The following ZPBP variants were observed in gnomAD, a reference collection of about 807,000 sequenced individuals.
The protein encoded by ZPBP is zona pellucida-binding protein 1.
A neutral mutation model predicts 44.8 loss-of-function variants in ZPBP; 26 were observed. The ratio of observed to expected loss-of-function variants is 0.58; its 90% CI spans 0.43 to 0.81. The LOEUF is 0.81. Among genes scored for constraint, ZPBP ranks in the 30% least tolerant of loss-of-function variants. The pLI, the probability that ZPBP is intolerant of heterozygous loss-of-function variation, is 0.00. For missense variants in ZPBP, 409 were observed against 434.0 expected, an observed-to-expected ratio of 0.94 and a Z score of 0.51; for synonymous variants, 174 against 153.2, an observed-to-expected ratio of 1.14 and a Z score of -1.00.
intron 7 of ZPBP, among the ~76,000 whole-genome samples, chr7:49,975,838 C>G (rs1487166307): frequency 6.6e-6 from 1 of 152,152 alleles, no homozygotes; most frequent in Non-Finnish European, 1.5e-5. Context: ...GGACTCTGAG[C>G]CATGCATACT....
chr7:50,064,501 T>C (rs2128835586), intron 3 of ZPBP, among the ~76,000 whole-genome samples: 1 of 152,288 alleles, frequency 6.6e-6, no homozygotes, highest in East Asian at 1.9e-4. Context: ...GTTTATTTCA[T>C]CTCTGTAGCC....
chr7:50,009,491 AC>A (rs1478626716), intron 6 of ZPBP, among the ~76,000 whole-genome samples: 3 of 151,074 alleles, frequency 2.0e-5, no homozygotes, highest in Non-Finnish European at 4.4e-5. Flanking sequence ...GGTTGCACTT[AC>A]TCTCTGAAAG....
At chr7:49,955,397 A>G (rs1583909012) in intron 7 of ZPBP, among the ~76,000 whole-genome samples, 2 of 152,236 alleles carry the variant, frequency 1.3e-5, no homozygotes, top group Admixed American at 6.5e-5. Flanking sequence ...TCTCTACTAA[A>G]AAAACAAAAA....
chr7:49,881,066 T>C (rs1217508316), intron 2 of ZPBP, among the ~76,000 whole-genome samples: 3 of 152,176 alleles, frequency 2.0e-5, no homozygotes, highest in Non-Finnish European at 1.5e-5. Flanking sequence ...TTGGCCAATA[T>C]CTTGCCCTAT....
intron 7 of ZPBP, among the ~76,000 whole-genome samples, chr7:49,947,773 C>A (rs1480207379): frequency 6.6e-6 from 1 of 152,214 alleles, no homozygotes; most frequent in East Asian, 1.9e-4. Flanking sequence ...TGAGTCCAGC[C>A]AGGCTCATAT....
intron 2 of ZPBP, among the ~76,000 whole-genome samples, chr7:49,869,029 T>G (rs2128722628): frequency 6.6e-6 from 1 of 152,358 alleles, no homozygotes; most frequent in East Asian, 1.9e-4. Flanking sequence ...TAAGAAAATA[T>G]TAGTTGTTTA....
At chr7:50,000,106 A>T (rs1422985636) in intron 6 of ZPBP, among the ~76,000 whole-genome samples, 3 of 152,200 alleles carry the variant, frequency 2.0e-5, no homozygotes, top group African/African-American at 7.2e-5. Flanking sequence ...GTATGTATAG[A>T]TATTATAATT....
At chr7:50,059,950 T>A (rs1801162767) in intron 3 of ZPBP, among the ~76,000 whole-genome samples, 1 of 151,186 alleles carries the variant, frequency 6.6e-6, no homozygotes, top group Admixed American at 6.6e-5. Flanking sequence ...ACTAGCACAC[T>A]CTGAGCAGAT....
chr7:49,998,293 A>T (rs1797944212), intron 6 of ZPBP, among the ~76,000 whole-genome samples: 1 of 152,168 alleles, frequency 6.6e-6, no homozygotes, highest in South Asian at 2.1e-4. Flanking sequence ...CAGTCACAGG[A>T]TGGGATCCTG....
intron 4 of ZPBP, among the ~76,000 whole-genome samples, chr7:50,033,676 C>T (rs925338330): frequency 1.1e-4 from 6 of 55,660 alleles, no homozygotes; most frequent in African/African-American, 4.4e-4. Flanking sequence ...ATTCTTTCTA[C>T]AGTTTATTTA....
chr7:50,066,122 CTT>C (rs1431313023), intron 3 of ZPBP, among the ~76,000 whole-genome samples: 1 of 150,976 alleles, frequency 6.6e-6, no homozygotes, highest in Non-Finnish European at 1.5e-5. Flanking sequence ...TTAAGCCTCT[CTT>C]GTGTTAAACC....
rs1796178819 is a variant in ZPBP, at chr7:49,969,114, C to A, written c.961+14228G>T. 2.7e-5 allele frequency among the ~76,000 whole-genome samples: 4 copies of A among 150,244 alleles called. 1 individual carries two copies. The South Asian group carries it at 8.4e-4, about 31-fold the overall frequency. The stretch of plus-strand genomic sequence containing the variant: ...AAAATTTTCCTTCTATTAATGTAAA[C>A]TTGTGATTAGTGATCTATATTTATA... On this transcript the variant is annotated intron_variant, in intron 7 of 7. Transcript: ENST00000046087.
intron 1 of ZPBP, among the ~76,000 whole-genome samples, chr7:49,928,692 G>T: frequency 6.6e-6 from 1 of 152,116 alleles, no homozygotes; most frequent in East Asian, 1.9e-4. Context: ...ACTCCCTCGG[G>T]ACCTGCTTGA....
At chr7:49,935,382 AATTT>A (rs1367663312), downstream of ZPBP, among the ~76,000 whole-genome samples, 3 of 152,084 alleles carry the variant, frequency 2.0e-5, no homozygotes, top group Middle Eastern at 6.8e-3. Flanking sequence ...CCTTTACTTC[AATTT>A]ATTTATTTAT....
intron 2 of ZPBP, among the ~76,000 whole-genome samples, chr7:49,889,098 T>A (rs550135163): frequency 6.6e-6 from 1 of 152,342 alleles, no homozygotes; most frequent in Admixed American, 6.5e-5. Context: ...ATACAGGGAA[T>A]GCTCATCTTT....
At chr7:49,957,707 G>C (rs1268211801) in intron 7 of ZPBP, among the ~76,000 whole-genome samples, 1 of 152,166 alleles carries the variant, frequency 6.6e-6, no homozygotes, top group Non-Finnish European at 1.5e-5. Context: ...TTACCATAGG[G>C]GCAGAGCCAC....
intron 2 of ZPBP, among the ~76,000 whole-genome samples, chr7:49,893,532 C>T (rs2128731508): frequency 6.6e-6 from 1 of 152,132 alleles, no homozygotes; most frequent in South Asian, 2.1e-4. Flanking sequence ...TAGGTCCTTA[C>T]TAGGAAAACA....
At chr7:50,019,792 C>A (rs1191538041) in intron 5 of ZPBP, among the ~76,000 whole-genome samples, 3 of 151,984 alleles carry the variant, frequency 2.0e-5, no homozygotes, top group Non-Finnish European at 4.4e-5. Flanking sequence ...CAAAATCCAA[C>A]CTAGTGATTT....
intron 7 of ZPBP, among the ~76,000 whole-genome samples, chr7:49,976,816 C>T (rs182096939): frequency 3.7e-4 from 56 of 152,140 alleles, no homozygotes; most frequent in African/African-American, 1.2e-3. Context: ...TGAAAATAAA[C>T]GTATCGGCCG....
Sources: allele counts gnomAD v4.1 joint callset (sites outside exome capture counted in the v4.1 genomes callset), GRCh38; gene constraint gnomAD v4.1.1; transcripts MANE v1.5; gene names NCBI Gene and HGNC (gene_info 2026-07-23, HGNC 2026-07-21).